The following KCNMA1 variants were observed in gnomAD, a reference collection of about 807,000 sequenced individuals.
KCNMA1 encodes potassium calcium-activated channel subfamily M alpha 1, also known as Calcium-activated potassium channel subunit alpha-1.
In KCNMA1, 29 loss-of-function variants were observed where a neutral mutation model predicts 140.0. The observed-to-expected ratio is 0.21, with a 90% CI of 0.15 to 0.28. The LOEUF is 0.28. Ranked by LOEUF, KCNMA1 falls within the 10% of genes least tolerant of loss-of-function variation. The probability of loss-of-function intolerance (pLI) is 1.00; values close to 1 mark genes in which losing one functional copy is unlikely to be tolerated. For missense variants in KCNMA1, 880 were observed against 1,602.2 expected (o/e 0.55, Z 7.70); for synonymous variants, 612 against 611.9 (o/e 1.00, Z 0.00).
intron 9 of KCNMA1, among the ~76,000 whole-genome samples, chr10:77,094,838 C>A (rs527436832): frequency 4.9e-4 from 74 of 152,040 alleles, no homozygotes; most frequent in African/African-American, 1.7e-3. Context: ...GTAGCTGGGA[C>A]TATAGGCATG....
chr10:77,567,235 A>G lies in KCNMA1; in HGVS notation c.378+70030T>C, dbSNP rs545658241. Among the ~76,000 whole-genome samples, 15 of 152,370 alleles carry G rather than the reference A, an allele frequency of 9.8e-5. No individual in the cohort carries two copies. In the East Asian group the frequency reaches 2.9e-3, roughly 29 times the overall value. ...GGGGATTAGATTAATTGGAATTTGCAGGCTGTGCCCAACCAAGATCCATAT... is the reference window on the plus strand; with the variant it reads ...GGGGATTAGATTAATTGGAATTTGCGGGCTGTGCCCAACCAAGATCCATAT... On this transcript the variant is annotated intron_variant, in intron 1 of 27. Transcript: ENST00000286628.
intron 1 of KCNMA1, among the ~76,000 whole-genome samples, chr10:77,404,622 G>A (rs1603478103): frequency 6.6e-6 from 1 of 152,204 alleles, no homozygotes; most frequent in Non-Finnish European, 1.5e-5. Flanking sequence ...AGGGCATGCT[G>A]AGGAGGGAGG....
intron 14 of KCNMA1, among the ~76,000 whole-genome samples, chr10:77,067,403 G>T (rs1395478269): frequency 6.6e-6 from 1 of 152,040 alleles, no homozygotes; most frequent in Non-Finnish European, 1.5e-5. Context: ...TTCTTTCCTG[G>T]GTCTCCAGTT....
chr10:77,603,712 C>T (rs1481611199), intron 1 of KCNMA1, among the ~76,000 whole-genome samples: 1 of 152,142 alleles, frequency 6.6e-6, no homozygotes, highest in African/African-American at 2.4e-5. Flanking sequence ...CAGCCCACAC[C>T]CCACAACCCA....
intron 1 of KCNMA1, among the ~76,000 whole-genome samples, chr10:77,408,889 C>T (rs944523065): frequency 6.6e-6 from 1 of 152,204 alleles, no homozygotes; most frequent in Admixed American, 6.5e-5. Context: ...GCCACAGCTG[C>T]CTCTCAGTGG....
chr10:77,465,913 T>C (rs936714473), intron 1 of KCNMA1, among the ~76,000 whole-genome samples: 7 of 152,172 alleles, frequency 4.6e-5, no homozygotes, highest in Non-Finnish European at 1.0e-4. Context: ...CCTCAGCCTA[T>C]GGAGACACCC....
intron 5 of KCNMA1, among the ~76,000 whole-genome samples, chr10:77,125,365 C>T (rs2097710155): frequency 6.6e-6 from 1 of 152,228 alleles, no homozygotes; most frequent in African/African-American, 2.4e-5. Context: ...CTACTACTGT[C>T]CGCTGATCTG....
chr10:77,417,680 G>C, intron 1 of KCNMA1, among the ~76,000 whole-genome samples: 1 of 152,174 alleles, frequency 6.6e-6, no homozygotes, highest in Non-Finnish European at 1.5e-5. Context: ...CATGATTTAG[G>C]ACCTAATCCA....
intron 23 of KCNMA1, among the ~76,000 whole-genome samples, chr10:76,935,753 T>C (rs1340719844): frequency 6.6e-6 from 1 of 152,176 alleles, no homozygotes; most frequent in Non-Finnish European, 1.5e-5. Context: ...GCTTTCTGTC[T>C]CTGAAGCTAA....
At chr10:77,130,185 G>C (rs763651746) in intron 5 of KCNMA1, among the ~76,000 whole-genome samples, 2 of 152,058 alleles carry the variant, frequency 1.3e-5, no homozygotes, top group Non-Finnish European at 2.9e-5. Context: ...ACTTTTCAGT[G>C]GTGCAAAAGT....
At chr10:77,226,313 T>C (rs1207757654) in intron 3 of KCNMA1, among the ~76,000 whole-genome samples, 1 of 152,072 alleles carries the variant, frequency 6.6e-6, no homozygotes, top group African/African-American at 2.4e-5. Context: ...TATACATCCC[T>C]TTAGCCTACC....
intron 1 of KCNMA1, among the ~76,000 whole-genome samples, chr10:77,434,971 G>A (rs192738306): frequency 7.9e-5 from 12 of 152,126 alleles, no homozygotes; most frequent in African/African-American, 2.6e-4. Context: ...TATCTTTTTT[G>A]GGGAGAGAGT....
chr10:77,406,263 G>A (rs1006768686), intron 1 of KCNMA1, among the ~76,000 whole-genome samples: 11 of 152,076 alleles, frequency 7.2e-5, no homozygotes, highest in African/African-American at 2.7e-4. Flanking sequence ...GGTCAACCAT[G>A]GTAACTGAAG....
rs765554631 is a variant in KCNMA1, at chr10:76,877,793, A to G, written c.3525T>C (p.Tyr1175=). ...GTGGAATCAAGCTGCTTGTGGATTTATATTGGTTGATCTGGTTAGCCATGT... is the reference window on the plus strand; with the variant it reads ...GTGGAATCAAGCTGCTTGTGGATTTGTATTGGTTGATCTGGTTAGCCATGT... Residue 1175 remains tyrosine, a synonymous_variant, in exon 30 of 30, where the codon TAT becomes TAC. Transcript: ENST00000372403. The G allele has an allele frequency of 8.9e-6, 14 of 1,580,540 alleles. No homozygotes were observed. The South Asian group carries it at 1.5e-4, about 17-fold the overall frequency.
chr10:77,520,076 G>A (rs1406288939), intron 1 of KCNMA1, among the ~76,000 whole-genome samples: 12 of 135,558 alleles, frequency 8.9e-5, no homozygotes, highest in African/African-American at 3.2e-4. Context: ...GGTGTGCAGT[G>A]TGAGGTCTGG....
intron 20 of KCNMA1, among the ~76,000 whole-genome samples, chr10:76,964,413 G>C (rs1024789681): frequency 6.6e-6 from 1 of 152,160 alleles, no homozygotes; most frequent in South Asian, 2.1e-4. Flanking sequence ...GGTTGTACAA[G>C]ATGCTCTTGA....
chr10:77,195,267 A>G (rs11002073), intron 3 of KCNMA1, among the ~76,000 whole-genome samples: 2 of 152,144 alleles, frequency 1.3e-5, no homozygotes, highest in African/African-American at 2.4e-5. Flanking sequence ...TAGCAGCCTC[A>G]CAGCCAAAAC....
At chr10:77,341,333 G>A (rs191311871) in intron 2 of KCNMA1, among the ~76,000 whole-genome samples, 109 of 152,294 alleles carry the variant, frequency 7.2e-4, no homozygotes, top group Admixed American at 1.6e-3. Flanking sequence ...CCTTCTATGA[G>A]CTTGTCTGTC....
intron 2 of KCNMA1, among the ~76,000 whole-genome samples, chr10:77,294,320 A>G (rs1210858757): frequency 6.6e-6 from 1 of 152,160 alleles, no homozygotes; most frequent in Non-Finnish European, 1.5e-5. Flanking sequence ...TGGAGGGTGG[A>G]CCTTGTCAGA....
Sources: gnomAD v4.1 joint callset for allele counts (sites outside exome capture counted in the v4.1 genomes callset) on GRCh38, gnomAD v4.1.1 for gene constraint, MANE v1.5 for transcripts, NCBI Gene and HGNC (gene_info 2026-07-23, HGNC 2026-07-21) for gene names.